THSD4: variants seen among roughly 807,000 people sequenced by gnomAD.
THSD4 encodes the protein thrombospondin type 1 domain containing 4.
In THSD4, 69 loss-of-function variants were observed where a neutral mutation model predicts 119.0. The ratio of observed to expected loss-of-function variants is 0.58; its 90% CI spans 0.48 to 0.71. The LOEUF (loss-of-function observed/expected upper bound fraction) is 0.71, where lower values mean the gene tolerates loss of function less well. Ranked by LOEUF, THSD4 falls within the 30% of genes least tolerant of loss-of-function variation. THSD4 has a pLI of 0.00. For synonymous variants in THSD4, 524 were observed against 540.4 expected (o/e 0.97, Z 0.42); for missense variants, 1,393 against 1,391.1 (o/e 1.00, Z -0.02).
intron 8 of THSD4, among the ~76,000 whole-genome samples, chr15:71,718,188 G>A (rs866518239): frequency 6.6e-6 from 1 of 151,668 alleles, no homozygotes. Flanking sequence ...TGGAATCTGA[G>A]TAATGGGAGA....
intron 6 of THSD4, among the ~76,000 whole-genome samples, chr15:71,377,879 C>CACACACACACACACACACACACACAA (rs2046164751): frequency 2.2e-4 from 17 of 78,418 alleles, no homozygotes; most frequent in African/African-American, 4.3e-4. Flanking sequence ...CACACACACA[C>CACACACACACACACACACACACACAA]ACACACACAC....
chr15:71,414,157 A>C (rs1253856262), intron 7 of THSD4, among the ~76,000 whole-genome samples: 1 of 152,242 alleles, frequency 6.6e-6, no homozygotes, highest in Non-Finnish European at 1.5e-5. Flanking sequence ...GCTTCTGTAC[A>C]TCATCTAAAG....
intron 7 of THSD4, among the ~76,000 whole-genome samples, chr15:71,625,361 T>A (rs1242990564): frequency 6.6e-6 from 1 of 152,120 alleles, no homozygotes; most frequent in Non-Finnish European, 1.5e-5. Context: ...TTCTTGGAGA[T>A]GAGATTGCCT....
At chr15:71,607,775 G>A (rs2050136616) in intron 7 of THSD4, among the ~76,000 whole-genome samples, 1 of 152,206 alleles carries the variant, frequency 6.6e-6, no homozygotes, top group Non-Finnish European at 1.5e-5. Flanking sequence ...TCAGAATTAA[G>A]GAAGTGCCTA....
At chr15:71,199,783 G>GGTGTGTGCT in intron 3 of THSD4, among the ~76,000 whole-genome samples, 1 of 98,050 alleles carries the variant, frequency 1.0e-5, no homozygotes, top group Admixed American at 9.9e-5. Flanking sequence ...GTGGTGTGTG[G>GGTGTGTGCT]GTGTGTGCTG....
chr15:71,601,768 T>A (rs1001870320), intron 7 of THSD4, among the ~76,000 whole-genome samples: 4 of 152,182 alleles, frequency 2.6e-5, no homozygotes, highest in Non-Finnish European at 5.9e-5. Context: ...AGATCAGAAA[T>A]CTCTCCTGAA....
intron 7 of THSD4, among the ~76,000 whole-genome samples, chr15:71,580,106 A>G (rs761572806): frequency 2.6e-4 from 40 of 152,334 alleles, no homozygotes; most frequent in Non-Finnish European, 4.9e-4. Flanking sequence ...ATTTGTACAC[A>G]GCAGGCAGTA....
chr15:71,112,353 C>G (rs1038551322), upstream of THSD4: 22 of 1,002,056 alleles, frequency 2.2e-5, no homozygotes. Context: ...TATAATAGGA[C>G]AACAGGTGTA....
At chr15:71,429,162 G>A (rs1690626517) in intron 7 of THSD4, among the ~76,000 whole-genome samples, 1 of 152,186 alleles carries the variant, frequency 6.6e-6, no homozygotes. Flanking sequence ...ATTGTAAAAT[G>A]CGTGACACAG....
chr15:71,618,315 T>C (rs1185116202), intron 7 of THSD4, among the ~76,000 whole-genome samples: 4 of 152,188 alleles, frequency 2.6e-5, no homozygotes, highest in Admixed American at 2.0e-4. Context: ...CTTCCAGGTA[T>C]ACACTTTAGG....
intron 7 of THSD4, among the ~76,000 whole-genome samples, chr15:71,426,947 C>T (rs115234446): frequency 6.6e-6 from 1 of 152,076 alleles, no homozygotes; most frequent in Non-Finnish European, 1.5e-5. Flanking sequence ...ATGAAACCTC[C>T]TTTCCTAGAA....
intron 8 of THSD4, among the ~76,000 whole-genome samples, chr15:71,669,153 G>A (rs933450903): frequency 5.3e-5 from 8 of 152,034 alleles, no homozygotes; most frequent in Admixed American, 2.0e-4. Flanking sequence ...TCTTCACACC[G>A]TTACCAAAAC....
intron 8 of THSD4, among the ~76,000 whole-genome samples, chr15:71,713,530 TGTCTTCCATCTAG>T (rs2052553958): frequency 6.6e-6 from 1 of 152,220 alleles, no homozygotes; most frequent in Non-Finnish European, 1.5e-5. Context: ...CATGCTCGAA[TGTCTTCCATCTAG>T]CTTGAAAATA....
intron 3 of THSD4, among the ~76,000 whole-genome samples, chr15:71,207,960 C>T (rs777189351): frequency 1.1e-4 from 17 of 152,108 alleles, no homozygotes; most frequent in Non-Finnish European, 1.9e-4. Flanking sequence ...TTTACAATAA[C>T]GAGTCTAGGA....
chr15:71,166,222 G>T (rs1054670068), intron 3 of THSD4, among the ~76,000 whole-genome samples: 1 of 152,074 alleles, frequency 6.6e-6, no homozygotes, highest in Non-Finnish European at 1.5e-5. Context: ...CTAGGCTCTG[G>T]GCAGCTGGCG....
chr15:71,314,920 T>C lies in THSD4; in HGVS notation c.1015+58205T>C, dbSNP rs1021308357. Among the ~76,000 whole-genome samples, 2 of 152,246 alleles carry C rather than the reference T, an allele frequency of 1.3e-5. 1 individual carries two copies. Among genetic ancestry groups the C allele is most frequent in the South Asian group, 4.1e-4 (2 of 4,832 alleles). On this transcript the variant is annotated intron_variant, in intron 6 of 17. Coordinates refer to ENST00000261862, the MANE Select transcript of THSD4 (RefSeq NM_024817.3). The stretch of plus-strand genomic sequence containing the variant: ...AAACTTACACTGTCAAGTATTCTTA[T>C]ACTTTCACTCTCTTATCTAGTTTAA...
intron 7 of THSD4, among the ~76,000 whole-genome samples, chr15:71,600,224 TCC>T (rs1195845523): frequency 5.3e-5 from 5 of 94,198 alleles, no homozygotes; most frequent in Admixed American, 2.2e-4. Flanking sequence ...AGTCTTGCTC[TCC>T]TCCTGGAGTA....
chr15:71,631,029 G>A (rs2050618042), intron 7 of THSD4, among the ~76,000 whole-genome samples: 1 of 152,170 alleles, frequency 6.6e-6, no homozygotes, highest in African/African-American at 2.4e-5. Context: ...AACACCCGCA[G>A]ACATTTCCCA....
intron 6 of THSD4, among the ~76,000 whole-genome samples, chr15:71,301,362 T>G (rs562329473): frequency 6.6e-6 from 1 of 152,348 alleles, no homozygotes; most frequent in South Asian, 2.1e-4. Flanking sequence ...ACATGATTTT[T>G]CCGTGATTTT....
Sources: gnomAD v4.1 joint callset for allele counts (sites outside exome capture counted in the v4.1 genomes callset) on GRCh38, gnomAD v4.1.1 for gene constraint, MANE v1.5 for transcripts, NCBI Gene and HGNC (gene_info 2026-07-23, HGNC 2026-07-21) for gene names.